WDR49: variants seen among roughly 807,000 people sequenced by gnomAD.
The protein encoded by WDR49 is WD repeat domain 49, also known as cilia- and flagella-associated protein 337.
A neutral mutation model predicts 119.5 loss-of-function variants in WDR49; 107 were observed. The ratio of observed to expected loss-of-function variants is 0.90; its 90% CI spans 0.77 to 1.05. WDR49 has a LOEUF of 1.05. Among genes scored for constraint, WDR49 ranks in the 50% least tolerant of loss-of-function variants. The pLI is 0.00. For synonymous variants in WDR49, 425 were observed against 418.8 expected (o/e 1.01, Z -0.18); for missense variants, 1,240 against 1,220.5 (o/e 1.02, Z -0.24).
intron 2 of WDR49, among the ~76,000 whole-genome samples, chr3:167,630,501 C>T (rs1717324402): frequency 1.3e-5 from 2 of 152,056 alleles, no homozygotes; most frequent in African/African-American, 2.4e-5. Flanking sequence ...GCAATATCTC[C>T]GAGGTATGCC....
intron 18 of WDR49, among the ~76,000 whole-genome samples, chr3:167,483,148 G>A (rs1750784835): frequency 6.6e-6 from 1 of 152,150 alleles, no homozygotes. Flanking sequence ...CTGGCATTAA[G>A]CAGAGATAAA....
At chr3:167,596,851 C>T (rs938283018) in intron 7 of WDR49, among the ~76,000 whole-genome samples, 26 of 147,700 alleles carry the variant, frequency 1.8e-4, no homozygotes, top group African/African-American at 6.6e-4. Flanking sequence ...GCACATGTAC[C>T]CTAAAACTTA....
chr3:167,594,129 T>G (rs1373727385), intron 7 of WDR49, among the ~76,000 whole-genome samples: 3 of 151,970 alleles, frequency 2.0e-5, no homozygotes, highest in African/African-American at 7.3e-5. Context: ...ACTGGGAAAG[T>G]GGAGTGCTGC....
chr3:167,508,062 TATG>T (rs1751840769), intron 16 of WDR49, among the ~76,000 whole-genome samples: 1 of 152,160 alleles, frequency 6.6e-6, no homozygotes, highest in African/African-American at 2.4e-5. Flanking sequence ...GCATCAATCC[TATG>T]AGGAGGAAAG....
At chr3:167,652,911 G>A (rs2108350428) in intron 2 of WDR49, among the ~76,000 whole-genome samples, 1 of 152,198 alleles carries the variant, frequency 6.6e-6, no homozygotes, top group East Asian at 1.9e-4. Context: ...TATTCCTGGA[G>A]GTCACCTTAG....
chr3:167,626,637 A>C (rs771010485), intron 3 of WDR49, among the ~76,000 whole-genome samples: 4 of 152,096 alleles, frequency 2.6e-5, no homozygotes, highest in Non-Finnish European at 4.4e-5. Context: ...ATAATGAAGC[A>C]TGGCCTCATT....
chr3:167,604,333 G>A lies in WDR49; in HGVS notation c.1094C>T (p.Ala365Val). Residue 365 changes from alanine to valine, a missense_variant, in exon 6 of 19, where the codon GCT becomes GTT. Physicochemically the swap from Ala to Val is moderately conservative, Grantham distance 64. Coordinates refer to ENST00000682715, the MANE Select transcript of WDR49 (RefSeq NM_001366157.1). ...ATTGAGCCGAGAGTGATAATCAAAA[G>A]CATGAATGCCCTGGGCAATGTTGAA... ...TSFNIAQGIH[A>V]FDYHSRLNLI... 1 of 1,613,672 alleles carries A rather than the reference G, an allele frequency of 6.2e-7. No individual in the cohort carries two copies. Among genetic ancestry groups the A allele is most frequent in the South Asian group, 1.1e-5 (1 of 91,042 alleles).
chr3:167,618,601 T>G (rs1049414169), intron 5 of WDR49, among the ~76,000 whole-genome samples: 1 of 152,206 alleles, frequency 6.6e-6, no homozygotes, highest in African/African-American at 2.4e-5. Context: ...TACATCTATA[T>G]ATATCTAATT....
chr3:167,618,888 C>T (rs1427772948), intron 5 of WDR49, among the ~76,000 whole-genome samples: 2 of 152,140 alleles, frequency 1.3e-5, no homozygotes, highest in African/African-American at 4.8e-5. Context: ...GACAAATGCT[C>T]ACTGATAGGT....
At chr3:167,651,232 T>G (rs1335828476) in intron 2 of WDR49, among the ~76,000 whole-genome samples, 2 of 152,046 alleles carry the variant, frequency 1.3e-5, no homozygotes, top group Non-Finnish European at 1.5e-5. Context: ...ACAAGCAATC[T>G]GTGTAAGAAA....
intron 16 of WDR49, among the ~76,000 whole-genome samples, chr3:167,508,878 T>C (rs1315402060): frequency 6.6e-6 from 1 of 152,226 alleles, no homozygotes; most frequent in Non-Finnish European, 1.5e-5. Flanking sequence ...TTTTTTCTTA[T>C]AGCTATTTAT....
chr3:167,656,487 T>G (rs747963863), upstream of WDR49, among the ~76,000 whole-genome samples: 5 of 152,188 alleles, frequency 3.3e-5, no homozygotes, highest in Non-Finnish European at 7.4e-5. Context: ...GGTATCCCAC[T>G]GGCTGACAAT....
intron 13 of WDR49, among the ~76,000 whole-genome samples, chr3:167,530,123 T>C (rs969907949): frequency 2.0e-5 from 3 of 152,132 alleles, no homozygotes; most frequent in African/African-American, 7.2e-5. Context: ...TAGAATCTAA[T>C]TGTTTCAAAG....
At chr3:167,605,938 T>C (rs1237586335) in intron 5 of WDR49, among the ~76,000 whole-genome samples, 1 of 152,200 alleles carries the variant, frequency 6.6e-6, no homozygotes, top group African/African-American at 2.4e-5. Flanking sequence ...GGGACACTAG[T>C]ATTTGGTAGA....
At position 167,653,510 on chromosome 3, in the gene WDR49, A is replaced by G; in HGVS notation, c.-74-11T>C. Reference sequence around the variant, plus strand: ...TCCTTCAACAGGTGCCTTTGAAAAGAAACTCAACTTAGCAACAGAATTCCA... The same window carrying G: ...TCCTTCAACAGGTGCCTTTGAAAAGGAACTCAACTTAGCAACAGAATTCCA... On this transcript the variant is annotated splice_polypyrimidine_tract_variant and intron_variant, in intron 1 of 18. Transcript: ENST00000682715. 7.2e-7 allele frequency: 1 copy of G among 1,387,876 alleles called. No homozygotes were observed. Among genetic ancestry groups the G allele is most frequent in the Non-Finnish European group, 9.4e-7 (1 of 1,068,432 alleles). 86.0% of individuals were successfully genotyped at this position (1,387,876 alleles called of 1,614,324 possible).
At chr3:167,489,061 G>A (rs1251802829) in intron 18 of WDR49, among the ~76,000 whole-genome samples, 2 of 151,754 alleles carry the variant, frequency 1.3e-5, no homozygotes, top group Non-Finnish European at 2.9e-5. Context: ...TTTCTTCTTA[G>A]CTCTTATCAA....
chr3:167,573,041 GTTA>G (rs987697886), intron 8 of WDR49, among the ~76,000 whole-genome samples: 5 of 152,100 alleles, frequency 3.3e-5, no homozygotes, highest in African/African-American at 9.7e-5. Flanking sequence ...ATCTTAAGAA[GTTA>G]ATAAGAAAAG....
At chr3:167,511,855 C>A (rs1286833666) in intron 16 of WDR49, among the ~76,000 whole-genome samples, 1 of 152,194 alleles carries the variant, frequency 6.6e-6, no homozygotes, top group Non-Finnish European at 1.5e-5. Flanking sequence ...TGGCCAACTG[C>A]TTCTTTAGGT....
At chr3:167,656,886 T>C (rs1037245480), upstream of WDR49, among the ~76,000 whole-genome samples, 15 of 152,150 alleles carry the variant, frequency 9.9e-5, no homozygotes, top group African/African-American at 3.4e-4. Context: ...AAAAAGCAGA[T>C]TGACACTTGC....
Sources: allele counts gnomAD v4.1 joint callset (sites outside exome capture counted in the v4.1 genomes callset), GRCh38; gene constraint gnomAD v4.1.1; transcripts MANE v1.5; gene names NCBI Gene and HGNC (gene_info 2026-07-23, HGNC 2026-07-21).